Variants in FANCM observed in about 807,000 individuals in gnomAD.
The protein encoded by FANCM is FA complementation group M, also known as Fanconi anemia group M protein.
In FANCM, 140 loss-of-function variants were observed where a neutral mutation model predicts 199.5. The ratio of observed to expected loss-of-function variants is 0.70; its 90% CI spans 0.61 to 0.81. The LOEUF (loss-of-function observed/expected upper bound fraction) is 0.81, where lower values mean the gene tolerates loss of function less well. Among genes scored for constraint, FANCM ranks in the 30% least tolerant of loss-of-function variants. FANCM has a pLI of 0.00. For synonymous variants in FANCM, 840 were observed against 836.8 expected, an observed-to-expected ratio of 1.00 and a Z score of -0.07; for missense variants, 2,410 against 2,421.4, an observed-to-expected ratio of 1.00 and a Z score of 0.10.
At chr14:45,193,259 G>A (rs1889874212) in intron 20 of FANCM, among the ~76,000 whole-genome samples, 1 of 152,216 alleles carries the variant, frequency 6.6e-6, no homozygotes, top group South Asian at 2.1e-4. Flanking sequence ...TTAGAGGTCT[G>A]TAATAACTGG....
chr14:45,174,787 T>A (rs368181521), intron 13 of FANCM, among the ~76,000 whole-genome samples: 1 of 152,296 alleles, frequency 6.6e-6, no homozygotes, highest in South Asian at 2.1e-4. Flanking sequence ...TATATTCTTA[T>A]GTATTCATTC....
chr14:45,179,018 A>T (rs944234080), intron 14 of FANCM, among the ~76,000 whole-genome samples: 1 of 151,878 alleles, frequency 6.6e-6, no homozygotes, highest in Non-Finnish European at 1.5e-5. Flanking sequence ...GGCCAACATG[A>T]TGAAACCCCG....
rs79380643 is a variant in FANCM, at chr14:45,142,316, T to G, written c.759+1607T>G. ...GATGGTTCCTCTTTTTTCTTTTTTTTTTTTTTTTGAGACGAAGTCTCGCAC... is the reference window on the plus strand; with the variant it reads ...GATGGTTCCTCTTTTTTCTTTTTTTGTTTTTTTTGAGACGAAGTCTCGCAC... On this transcript the variant is annotated intron_variant, in intron 3 of 22. Coordinates refer to ENST00000267430, the MANE Select transcript of FANCM (RefSeq NM_020937.4). Among the ~76,000 whole-genome samples the G allele has an allele frequency of 2.9e-3, 435 of 151,316 alleles. 3 individuals are homozygous for G. The highest frequency in any genetic ancestry group is 0.017 in the Middle Eastern group (5 of 294).
intron 20 of FANCM, chr14:45,195,545 G>T (rs1313578220): frequency 2.2e-6 from 1 of 456,622 alleles, no homozygotes; most frequent in Non-Finnish European, 4.4e-6. Flanking sequence ...GGAGCTCATG[G>T]TCCACAGGAT....
chr14:45,193,206 T>C (rs1889871562), intron 20 of FANCM, among the ~76,000 whole-genome samples: 1 of 152,158 alleles, frequency 6.6e-6, no homozygotes, highest in Non-Finnish European at 1.5e-5. Flanking sequence ...AAATACCCTC[T>C]ATAACTGGGA....
Position 45,183,884 on chromosome 14 carries a change from G to A in FANCM, c.4497G>A (p.Lys1499=). The A allele has an allele frequency of 6.2e-7, 1 of 1,611,052 alleles. No individual in the cohort carries two copies. The highest frequency in any genetic ancestry group is 8.5e-7 in the Non-Finnish European group (1 of 1,177,614). The change falls in exon 17 of 23, where the codon AAG becomes AAA. Residue 1499 remains lysine (K), a synonymous_variant. Transcript: ENST00000267430. The stretch of plus-strand genomic sequence containing the variant: ...CCAGAAGAGGCATCAAAGTCCCAAA[G>A]AGACAGAGTCACTTAAAGGTAATCT... ...GNARRGIKVP[K]RQSHLKHVAR... is the part of the protein sequence containing the mutation.
At chr14:45,166,426 C>T (rs1887981649) in intron 10 of FANCM, among the ~76,000 whole-genome samples, 1 of 151,998 alleles carries the variant, frequency 6.6e-6, no homozygotes, top group African/African-American at 2.4e-5. Flanking sequence ...CGTGAGCCAC[C>T]GCACCCAGCC....
At chr14:45,179,567 T>C (rs1888933971) in intron 14 of FANCM, among the ~76,000 whole-genome samples, 1 of 135,840 alleles carries the variant, frequency 7.4e-6, no homozygotes, top group African/African-American at 3.0e-5. Context: ...CTTTCTTTTT[T>C]TTTTTTTTTT....
intron 21 of FANCM, among the ~76,000 whole-genome samples, chr14:45,197,305 A>C (rs1890112721): frequency 6.6e-6 from 1 of 152,182 alleles, no homozygotes; most frequent in South Asian, 2.1e-4. Context: ...CATGTAGGTG[A>C]AAGCCACTGC....
At chr14:45,149,231 C>A (rs1026770499) in intron 4 of FANCM, among the ~76,000 whole-genome samples, 6 of 151,858 alleles carry the variant, frequency 4.0e-5, no homozygotes, top group Non-Finnish European at 7.4e-5. Flanking sequence ...AAATAATAGC[C>A]TTACATGGTT....
chr14:45,194,052 A>G (rs924324378), intron 20 of FANCM, among the ~76,000 whole-genome samples: 4 of 152,172 alleles, frequency 2.6e-5, no homozygotes, highest in Non-Finnish European at 4.4e-5. Context: ...CTGTAATCCC[A>G]GCACTTTGGG....
chr14:45,184,063 G>GT lies in FANCM; in HGVS notation c.4515+170dup, dbSNP rs574958863. Among the ~76,000 whole-genome samples, 955 of 151,178 alleles carry GT rather than the reference G, an allele frequency of 6.3e-3. 3 individuals are homozygous for GT. The highest frequency in any genetic ancestry group is 0.021 in the Middle Eastern group (6 of 292). ...TTTTACTGGAATTAAATTCAAAGTA[G>GT]TTTTTTTTTGTTTATCTTTGTGTTT... On this transcript the variant is annotated intron_variant, in intron 17 of 22. Coordinates refer to ENST00000267430, the MANE Select transcript of FANCM (RefSeq NM_020937.4).
chr14:45,188,450 T>A (rs771759215), intron 19 of FANCM, among the ~76,000 whole-genome samples: 3 of 152,244 alleles, frequency 2.0e-5, no homozygotes, highest in Non-Finnish European at 2.9e-5. Context: ...GATAACATTT[T>A]CATATTAGTT....
chr14:45,145,862 A>G (rs1415905414), intron 3 of FANCM, among the ~76,000 whole-genome samples: 1 of 151,912 alleles, frequency 6.6e-6, no homozygotes. Context: ...GATCGAGACC[A>G]TCCCGGCTAA....
chr14:45,187,832 A>G lies in FANCM; in HGVS notation c.4724A>G (p.Asn1575Ser), dbSNP rs1889502277. The change falls in exon 19 of 23, where the codon AAC becomes AGC. Residue 1575 changes from asparagine (N) to serine (S), a missense_variant. By Grantham distance (46) the Asn-to-Ser change is conservative. Transcript: ENST00000267430. ...YMKSLRSPMM[N>S]NKYKMIHKTH... ...AAATCTTTGCGTAGTCCAATGATGA[A>G]CAATAAGTACAAAATGATTCATAAG... The G allele has an allele frequency of 6.3e-7, 1 of 1,581,576 alleles. No homozygotes were observed. The highest frequency in any genetic ancestry group is 8.7e-7 in the Non-Finnish European group (1 of 1,150,468).
At chr14:45,162,532 A>G (rs1431684017) in intron 9 of FANCM, among the ~76,000 whole-genome samples, 3 of 152,224 alleles carry the variant, frequency 2.0e-5, no homozygotes, top group Non-Finnish European at 4.4e-5. Context: ...TTACTCTGTC[A>G]AGTGTCTAAA....
At chr14:45,192,017 C>T (rs1889796718) in intron 20 of FANCM, among the ~76,000 whole-genome samples, 1 of 151,918 alleles carries the variant, frequency 6.6e-6, no homozygotes, top group African/African-American at 2.4e-5. Flanking sequence ...GCCATTTCCT[C>T]CTTCATTACA....
intron 3 of FANCM, among the ~76,000 whole-genome samples, chr14:45,143,231 C>T (rs930993857): frequency 6.7e-6 from 1 of 150,138 alleles, no homozygotes; most frequent in African/African-American, 2.5e-5. Flanking sequence ...GGGCAGTGCA[C>T]AATAATACTC....
In FANCM at chr14:45,176,352, A is replaced by G; in HGVS notation, c.3598A>G (p.Ser1200Gly). The change falls in exon 14 of 23, where the codon AGT (serine) becomes GGT (glycine). Residue 1200 changes from serine (S) to glycine (G), a missense_variant. By Grantham distance (56) the Ser-to-Gly change is moderately conservative (BLOSUM62 0). Coordinates refer to ENST00000267430, the MANE Select transcript of FANCM (RefSeq NM_020937.4). Reference protein sequence around the residue: ...LQDQITRDANSFKSRDQRGVQ... With the variant: ...LQDQITRDANGFKSRDQRGVQ... ...AGATCAAATCACCCGTGATGCTAAT[A>G]GTTTTAAATCTCGTGATCAGAGAGG... 1 of 1,613,678 alleles carries G rather than the reference A, an allele frequency of 6.2e-7. No individual in the cohort carries two copies. The highest frequency in any genetic ancestry group is 1.7e-5 in the Admixed American group (1 of 60,028).
Sources: gnomAD v4.1 joint callset for allele counts (sites outside exome capture counted in the v4.1 genomes callset) on GRCh38, gnomAD v4.1.1 for gene constraint, MANE v1.5 for transcripts, NCBI Gene and HGNC (gene_info 2026-07-23, HGNC 2026-07-21) for gene names.